The following ARB2A variants were observed in gnomAD, a reference collection of about 807,000 sequenced individuals.
The protein encoded by ARB2A is ARB2 cotranscriptional regulator A.
the ARB2A span, among the ~76,000 whole-genome samples, chr5:93,830,315 A>ATGTGTG: frequency 0.021 from 882 of 42,294 alleles, 21 homozygotes; most frequent in Non-Finnish European, 0.027. Flanking sequence ...GTGTGTGTAT[A>ATGTGTG]TATATATATA....
the ARB2A span, among the ~76,000 whole-genome samples, chr5:93,889,376 T>C: frequency 6.6e-6 from 1 of 151,824 alleles, no homozygotes; most frequent in African/African-American, 2.4e-5. Flanking sequence ...TACACATATA[T>C]CTCCTAACAG....
At chr5:94,083,830 A>T in the ARB2A span, among the ~76,000 whole-genome samples, 1 of 152,164 alleles carries the variant, frequency 6.6e-6, no homozygotes, top group East Asian at 1.9e-4. Context: ...CTCTAAAAAA[A>T]AAAAAACAAG....
chr5:94,023,170 C>G, the ARB2A span, among the ~76,000 whole-genome samples: 4 of 152,168 alleles, frequency 2.6e-5, no homozygotes, highest in Non-Finnish European at 5.9e-5. Context: ...TTGCAGTCAA[C>G]CATTGTATGC....
chr5:93,959,690 T>C, the ARB2A span, among the ~76,000 whole-genome samples: 2 of 152,188 alleles, frequency 1.3e-5, no homozygotes, highest in Non-Finnish European at 2.9e-5. Context: ...CATTATGTAC[T>C]CCAATGAACT....
chr5:93,928,367 T>C, the ARB2A span, among the ~76,000 whole-genome samples: 1 of 152,172 alleles, frequency 6.6e-6, no homozygotes, highest in Admixed American at 6.5e-5. Context: ...TAGGCAAATA[T>C]AAATGAGATT....
the ARB2A span, among the ~76,000 whole-genome samples, chr5:93,772,402 C>T: frequency 6.6e-6 from 1 of 151,848 alleles, no homozygotes; most frequent in African/African-American, 2.4e-5. Flanking sequence ...CACATGTATA[C>T]ATATGTAACT....
At chr5:93,719,036 C>A in the ARB2A span, among the ~76,000 whole-genome samples, 4 of 152,192 alleles carry the variant, frequency 2.6e-5, no homozygotes, top group Non-Finnish European at 5.9e-5. Flanking sequence ...CCTATCATTT[C>A]TTTAAACTCA....
chr5:93,985,469 C>T, the ARB2A span, among the ~76,000 whole-genome samples: 1 of 151,734 alleles, frequency 6.6e-6, no homozygotes, highest in East Asian at 1.9e-4. Flanking sequence ...CGGTCTCCCT[C>T]TATTACCGAG....
chr5:94,084,274 CAAA>C, the ARB2A span, among the ~76,000 whole-genome samples: 21 of 73,104 alleles, frequency 2.9e-4, no homozygotes, highest in Admixed American at 2.4e-3. Context: ...AACTTCATCT[CAAA>C]AAAAAAAAAA....
At chr5:93,963,764 T>C in the ARB2A span, among the ~76,000 whole-genome samples, 4 of 152,024 alleles carry the variant, frequency 2.6e-5, no homozygotes, top group Non-Finnish European at 5.9e-5. Context: ...GCAAAGATCC[T>C]CCAATCTAGT....
chr5:94,045,483 C>G, the ARB2A span, among the ~76,000 whole-genome samples: 1 of 152,180 alleles, frequency 6.6e-6, no homozygotes, highest in Non-Finnish European at 1.5e-5. Flanking sequence ...TTTTAAATCA[C>G]AAACACTTTA....
At chr5:93,975,055 C>T in the ARB2A span, among the ~76,000 whole-genome samples, 3 of 152,104 alleles carry the variant, frequency 2.0e-5, no homozygotes, top group Admixed American at 6.5e-5. Context: ...TGGCTCATGC[C>T]TGTAATCCCA....
the ARB2A span, among the ~76,000 whole-genome samples, chr5:93,852,803 C>A: frequency 6.6e-6 from 1 of 152,052 alleles, no homozygotes; most frequent in South Asian, 2.1e-4. Flanking sequence ...TGTTCTGTTC[C>A]ATTGATCTAG....
the ARB2A span, among the ~76,000 whole-genome samples, chr5:93,765,168 C>G: frequency 6.6e-6 from 1 of 152,160 alleles, no homozygotes; most frequent in Admixed American, 6.5e-5. Flanking sequence ...CACTCCTATT[C>G]AACATAGTGT....
the ARB2A span, among the ~76,000 whole-genome samples, chr5:94,054,438 G>T: frequency 7.9e-5 from 12 of 151,934 alleles, no homozygotes; most frequent in African/African-American, 1.9e-4. Flanking sequence ...ATTTGGGTTC[G>T]TCTAATGTTT....
chr5:93,713,130 C>T, the ARB2A span, among the ~76,000 whole-genome samples: 5 of 152,028 alleles, frequency 3.3e-5, no homozygotes, highest in Admixed American at 6.6e-5. Flanking sequence ...GGAAAGTCTC[C>T]GGGACATTTG....
chr5:93,855,573 G>A, the ARB2A span, among the ~76,000 whole-genome samples: 1 of 152,048 alleles, frequency 6.6e-6, no homozygotes, highest in Admixed American at 6.5e-5. Flanking sequence ...TTACAATTTG[G>A]CATGATTTTG....
At chr5:94,026,342 G>T in the ARB2A span, among the ~76,000 whole-genome samples, 3 of 151,900 alleles carry the variant, frequency 2.0e-5, no homozygotes, top group African/African-American at 7.3e-5. Context: ...CCCACATTCG[G>T]TGGGTCTTGA....
chr5:93,961,193 G>A, the ARB2A span, among the ~76,000 whole-genome samples: 1 of 152,084 alleles, frequency 6.6e-6, no homozygotes, highest in Non-Finnish European at 1.5e-5. Context: ...TAAGGTCAGT[G>A]AGGCCTTAAT....
Sources: gnomAD v4.1 joint callset for allele counts (sites outside exome capture counted in the v4.1 genomes callset) on GRCh38, gnomAD v4.1.1 for gene constraint, MANE v1.5 for transcripts, NCBI Gene and HGNC (gene_info 2026-07-23, HGNC 2026-07-21) for gene names.